The following MRPL1 variants were observed in gnomAD, a reference collection of about 807,000 sequenced individuals.
MRPL1 encodes mitochondrial ribosomal protein L1.
MRPL1 carries 28 observed loss-of-function variants against 38.0 expected under a neutral mutation model. The ratio of observed to expected loss-of-function variants is 0.74; its 90% CI spans 0.55 to 1.01. The LOEUF is 1.01. MRPL1 is among the 50% of genes least tolerant of loss of function. The pLI is 0.00. For missense variants in MRPL1, 358 were observed against 389.8 expected (o/e 0.92, Z 0.69); for synonymous variants, 123 against 126.7 (o/e 0.97, Z 0.20).
At chr4:77,877,711 CTGTT>C (rs2110232326) in intron 2 of MRPL1, among the ~76,000 whole-genome samples, 2 of 151,108 alleles carry the variant, frequency 1.3e-5, no homozygotes, top group African/African-American at 4.9e-5. Flanking sequence ...CACCACTTAT[CTGTT>C]GCATGTCTTA....
intron 7 of MRPL1, among the ~76,000 whole-genome samples, chr4:77,930,102 C>A (rs1438189003): frequency 2.6e-5 from 4 of 152,158 alleles, no homozygotes; most frequent in East Asian, 1.9e-4. Flanking sequence ...CCCCTTCTGT[C>A]GTCACCTGGC....
rs571018328 is a variant in MRPL1, at chr4:77,891,603, G to A, written c.559-2536G>A. Among the ~76,000 whole-genome samples, 7 of 152,212 alleles carry A rather than the reference G, an allele frequency of 4.6e-5. No homozygotes were observed. In the South Asian group the frequency reaches 1.0e-3, roughly 23 times the overall value. ...ACTCCTGGCTTCAAGTGATCTGCCC[G>A]CCTTGGCCTCCCAAAATGTTGGGAT... On this transcript the variant is annotated intron_variant, in intron 5 of 8. Transcript: ENST00000315567.
At position 77,894,148 on chromosome 4, in the gene MRPL1, G is replaced by A. The variant is rs1026702997; in HGVS notation, c.568G>A (p.Asp190Asn). The A allele has an allele frequency of 3.2e-6, 5 of 1,586,872 alleles. No individual in the cohort carries two copies. The highest frequency in any genetic ancestry group is 4.3e-6 in the Non-Finnish European group (5 of 1,162,016). ...GTSLIQKIWD[D>N]EIVADFYVAV... ...TTTTTTTAATTTTCAGATTTGGGAT[G>A]ATGAAATTGTTGCAGACTTTTACGT... Residue 190 changes from aspartate to asparagine, a missense_variant, in exon 6 of 9, where the codon GAT becomes AAT. Asp to Asn is a conservative substitution (Grantham distance 23). Coordinates refer to ENST00000315567, the MANE Select transcript of MRPL1 (RefSeq NM_020236.4).
chr4:77,864,401 G>T (rs1183240733), intron 1 of MRPL1: 1 of 151,944 alleles, frequency 6.6e-6, no homozygotes, highest in Non-Finnish European at 1.5e-5. Flanking sequence ...CATCTCTTCT[G>T]TATCTAAATT....
intron 5 of MRPL1, 31 bp downstream of exon 5, chr4:77,887,322 T>C (rs1202796260): frequency 2.0e-6 from 3 of 1,507,300 alleles, no homozygotes; most frequent in Non-Finnish European, 2.8e-6. Flanking sequence ...TCATTAAGTA[T>C]AGAGATGATT....
rs557184481 is a variant in MRPL1 at position 77,942,919 on chromosome 4, A to G, written c.778-6878A>G. On this transcript the variant is annotated intron_variant, in intron 7 of 8. Coordinates refer to ENST00000315567, the MANE Select transcript of MRPL1 (RefSeq NM_020236.4). ...GAGGTACTATTCTATTCATTGCGTTATTTGTTGCCTGATACCCTTTTTTAA... is the reference window on the plus strand; with the variant it reads ...GAGGTACTATTCTATTCATTGCGTTGTTTGTTGCCTGATACCCTTTTTTAA... 1.4e-4 allele frequency among the ~76,000 whole-genome samples: 22 copies of G among 152,178 alleles called. 1 individual carries two copies. The South Asian group carries it at 2.1e-3, about 14-fold the overall frequency.
chr4:77,949,530 G>A (rs1306074138), intron 7 of MRPL1, among the ~76,000 whole-genome samples: 1 of 151,652 alleles, frequency 6.6e-6, no homozygotes, highest in Non-Finnish European at 1.5e-5. Context: ...TATGCTTTAG[G>A]GAAATTACTT....
At chr4:77,868,694 C>T (rs921265817) in intron 1 of MRPL1, among the ~76,000 whole-genome samples, 76 of 152,236 alleles carry the variant, frequency 5.0e-4, no homozygotes, top group African/African-American at 1.6e-3. Flanking sequence ...AACTGTATTA[C>T]TATGAACTAG....
chr4:77,951,004 G>T (rs1032748808), intron 8 of MRPL1, among the ~76,000 whole-genome samples: 2 of 152,162 alleles, frequency 1.3e-5, no homozygotes, highest in African/African-American at 4.8e-5. Flanking sequence ...CCAAGTAGCT[G>T]GGATTACAGG....
chr4:77,885,256 A>G lies in MRPL1; in HGVS notation c.403A>G (p.Lys135Glu). Residue 135 changes from lysine to glutamate, a missense_variant and splice_region_variant, in exon 4 of 9, where the codon AAA becomes GAA. Lys to Glu is a moderately conservative substitution (Grantham distance 56). Coordinates refer to ENST00000315567, the MANE Select transcript of MRPL1 (RefSeq NM_020236.4). The stretch of plus-strand genomic sequence containing the variant: ...TTATTTTTCCTTGTCATGTGTTTAG[A>G]AAAACGTGGAGCCATTTACCAGTGT... ...LTLDMALGKK[K>E]NVEPFTSVLS... 1 of 1,610,724 alleles carries G rather than the reference A, an allele frequency of 6.2e-7. No homozygotes were observed. Among genetic ancestry groups the G allele is most frequent in the Non-Finnish European group, 8.5e-7 (1 of 1,176,868 alleles).
intron 1 of MRPL1, among the ~76,000 whole-genome samples, chr4:77,870,507 A>G (rs533654197): frequency 6.6e-6 from 1 of 152,362 alleles, no homozygotes; most frequent in African/African-American, 2.4e-5. Context: ...GGCACACATA[A>G]AATCTCATCT....
At chr4:77,905,190 A>G (rs974175722) in intron 6 of MRPL1, among the ~76,000 whole-genome samples, 9 of 152,106 alleles carry the variant, frequency 5.9e-5, no homozygotes, top group Admixed American at 6.5e-5. Flanking sequence ...ATAGTTGAGT[A>G]GGTATTGTAC....
rs141857510 is a variant in MRPL1, at chr4:77,869,580, GTTGTTTGTTTGT to G, written c.32-2145_32-2134del. 3.2e-3 allele frequency among the ~76,000 whole-genome samples: 485 copies of G among 151,410 alleles called. 5 individuals are homozygous for G. Among genetic ancestry groups the G allele is most frequent in the African/African-American group, 0.011 (451 of 41,110 alleles). ...GGTTTTGCTTGCTTGCTTGCTTTTT[GTTGTTTGTTTGT>G]TTGTTTGTTTGTTTGTTTTTGAGAC... On this transcript the variant is annotated intron_variant, in intron 1 of 8. Coordinates refer to ENST00000315567, the MANE Select transcript of MRPL1 (RefSeq NM_020236.4).
intron 6 of MRPL1, among the ~76,000 whole-genome samples, chr4:77,899,090 T>C (rs1325353966): frequency 6.7e-6 from 1 of 150,120 alleles, no homozygotes; most frequent in Non-Finnish European, 1.5e-5. Context: ...GCCTCCTGGG[T>C]TCAGGTGATT....
intron 7 of MRPL1, among the ~76,000 whole-genome samples, chr4:77,936,045 T>G (rs908037566): frequency 3.3e-5 from 5 of 152,040 alleles, no homozygotes; most frequent in African/African-American, 1.2e-4. Flanking sequence ...AGGTAATAAA[T>G]GCACATAGTG....
chr4:77,865,464 C>T (rs1735105976), intron 1 of MRPL1, among the ~76,000 whole-genome samples: 2 of 151,874 alleles, frequency 1.3e-5, no homozygotes, highest in Non-Finnish European at 2.9e-5. Context: ...CTGTGTTGGC[C>T]AGGCTAGAGT....
intron 7 of MRPL1, among the ~76,000 whole-genome samples, chr4:77,922,801 T>C (rs2110255027): frequency 6.6e-6 from 1 of 152,296 alleles, no homozygotes; most frequent in East Asian, 1.9e-4. Context: ...AGTAAATGAA[T>C]AGGCGGAAGG....
intron 7 of MRPL1, among the ~76,000 whole-genome samples, chr4:77,918,523 C>T (rs1378726541): frequency 1.3e-5 from 2 of 152,258 alleles, no homozygotes; most frequent in Non-Finnish European, 2.9e-5. Flanking sequence ...CAATTTCTTA[C>T]AAGCATGTGA....
Position 77,883,570 on chromosome 4 carries a change from A to G in MRPL1, c.402+70A>G, listed in dbSNP as rs1735600299. The stretch of plus-strand genomic sequence containing the variant: ...GTATGAATTGGTGTTTCTTTATTTT[A>G]TTTTATTGTTATTATTATTTTTGAG... On this transcript the variant is annotated intron_variant, in intron 3 of 8. Coordinates refer to ENST00000315567, the MANE Select transcript of MRPL1 (RefSeq NM_020236.4). The G allele has an allele frequency of 3.6e-6, 5 of 1,382,610 alleles. No homozygotes were observed. The South Asian group carries it at 7.9e-5, about 22-fold the overall frequency. 85.6% of individuals were successfully genotyped at this position (1,382,610 alleles called of 1,614,324 possible).
Sources: gnomAD v4.1 joint callset for allele counts (sites outside exome capture counted in the v4.1 genomes callset) on GRCh38, gnomAD v4.1.1 for gene constraint, MANE v1.5 for transcripts, NCBI Gene and HGNC (gene_info 2026-07-23, HGNC 2026-07-21) for gene names.